Variants in GLRA3 observed in about 807,000 individuals in gnomAD.
The protein encoded by GLRA3 is glycine receptor subunit alpha-3.
In GLRA3, 44 loss-of-function variants were observed where a neutral mutation model predicts 60.4. The ratio of observed to expected loss-of-function variants is 0.73; its 90% CI spans 0.57 to 0.94. The LOEUF (loss-of-function observed/expected upper bound fraction) is 0.94, where lower values mean the gene tolerates loss of function less well. Among genes scored for constraint, GLRA3 ranks in the 40% least tolerant of loss-of-function variants. The pLI is 0.00. For missense variants in GLRA3, 508 were observed against 564.6 expected, an observed-to-expected ratio of 0.90 and a Z score of 1.02; for synonymous variants, 223 against 192.9, an observed-to-expected ratio of 1.16 and a Z score of -1.29.
intron 5 of GLRA3, among the ~76,000 whole-genome samples, chr4:174,691,849 G>T (rs1282321022): frequency 2.0e-5 from 3 of 151,988 alleles, no homozygotes; most frequent in African/African-American, 7.2e-5. Context: ...CTGCCTGGCC[G>T]CCCATCGTCT....
intron 1 of GLRA3, among the ~76,000 whole-genome samples, chr4:174,804,615 C>A (rs1370899155): frequency 6.6e-6 from 1 of 152,096 alleles, no homozygotes; most frequent in Non-Finnish European, 1.5e-5. Context: ...TCTGGGATAA[C>A]ACCCAAGGTT....
intron 3 of GLRA3, among the ~76,000 whole-genome samples, chr4:174,755,576 T>G (rs1290139509): frequency 1.3e-5 from 2 of 152,136 alleles, no homozygotes; most frequent in Non-Finnish European, 2.9e-5. Context: ...TGAAGGAATC[T>G]AAAATGGATT....
intron 3 of GLRA3, among the ~76,000 whole-genome samples, chr4:174,732,926 T>C (rs376365488): frequency 6.6e-6 from 1 of 152,154 alleles, no homozygotes; most frequent in East Asian, 1.9e-4. Context: ...GGGAATGAGA[T>C]AGTGAATTAT....
intron 3 of GLRA3, among the ~76,000 whole-genome samples, chr4:174,760,325 G>T (rs1348541414): frequency 6.6e-6 from 1 of 152,136 alleles, no homozygotes; most frequent in Non-Finnish European, 1.5e-5. Flanking sequence ...AAGTGTTGGA[G>T]AACATGTAAA....
intron 5 of GLRA3, among the ~76,000 whole-genome samples, chr4:174,696,469 CAATAT>C (rs1278029289): frequency 1.8e-4 from 26 of 147,790 alleles, no homozygotes; most frequent in Non-Finnish European, 3.0e-4. Flanking sequence ...TAATACAATA[CAATAT>C]AATTTAATAT....
At chr4:174,788,987 T>C in intron 1 of GLRA3, 44 bp from the exon 2 acceptor site, 1 of 1,304,722 alleles carries the variant, frequency 7.7e-7, no homozygotes, top group Non-Finnish European at 1.1e-6. Flanking sequence ...AAAGAAGTAT[T>C]TCTAATAATT....
intron 5 of GLRA3, among the ~76,000 whole-genome samples, chr4:174,694,566 T>A (rs1734978554): frequency 6.6e-6 from 1 of 152,106 alleles, no homozygotes; most frequent in Non-Finnish European, 1.5e-5. Flanking sequence ...TACCAGAATC[T>A]CTGGGACACA....
chr4:174,763,633 A>T (rs1738021907), intron 3 of GLRA3, among the ~76,000 whole-genome samples: 1 of 152,136 alleles, frequency 6.6e-6, no homozygotes, highest in Non-Finnish European at 1.5e-5. Context: ...TCCACAACTC[A>T]TCATAGGTTT....
At chr4:174,738,363 C>T (rs1230695975) in intron 3 of GLRA3, among the ~76,000 whole-genome samples, 1 of 152,170 alleles carries the variant, frequency 6.6e-6, no homozygotes, top group African/African-American at 2.4e-5. Context: ...GAACACCACT[C>T]ATTTTAATAT....
chr4:174,703,047 T>C lies in GLRA3; in HGVS notation c.574+12441A>G, dbSNP rs79693894. 6.5e-3 allele frequency among the ~76,000 whole-genome samples: 994 copies of C among 152,256 alleles called. 13 individuals are homozygous for C. The highest frequency in any genetic ancestry group is 0.023 in the African/African-American group (945 of 41,552). On this transcript the variant is annotated intron_variant, in intron 5 of 9. Transcript: ENST00000274093. ...TGCTTTTTGCAAATCTGCATGTAGA[T>C]TTTCCTGATAGCAGAACTCAGAGAA...
chr4:174,807,167 C>T lies in GLRA3; in HGVS notation c.72-18224G>A, dbSNP rs528277669. ...ACAGAGAACAACTACTTCAAACTTA[C>T]GGTGTTGTAGCAATAATCAATCTAC... is the stretch of plus-strand genomic sequence containing the variant. On this transcript the variant is annotated intron_variant, in intron 1 of 9. Transcript: ENST00000274093. 4.7e-4 allele frequency among the ~76,000 whole-genome samples: 72 copies of T among 152,016 alleles called. No individual in the cohort carries two copies. In the South Asian group the frequency reaches 0.012, roughly 25 times the overall value.
chr4:174,767,581 A>T (rs1195990997), intron 2 of GLRA3, among the ~76,000 whole-genome samples: 1 of 152,122 alleles, frequency 6.6e-6, no homozygotes, highest in Non-Finnish European at 1.5e-5. Flanking sequence ...TAGAGTGCAC[A>T]GCCAGTGAAA....
intron 9 of GLRA3, among the ~76,000 whole-genome samples, chr4:174,656,448 A>G (rs1239968221): frequency 6.6e-6 from 1 of 152,120 alleles, no homozygotes; most frequent in Admixed American, 6.6e-5. Flanking sequence ...TACAAGATAT[A>G]TGTGATATTT....
chr4:174,728,739 C>T (rs753092351), intron 3 of GLRA3, 41 bp from the exon 4 acceptor site: 1 of 1,303,682 alleles, frequency 7.7e-7, no homozygotes, highest in African/African-American at 1.5e-5. Flanking sequence ...AAAAACCCTG[C>T]TTTAAAAAGT....
intron 5 of GLRA3, among the ~76,000 whole-genome samples, chr4:174,712,109 T>C (rs1735738983): frequency 2.0e-5 from 3 of 152,158 alleles, no homozygotes; most frequent in South Asian, 2.1e-4. Flanking sequence ...CCCAATAATT[T>C]CTTTTCCTCT....
chr4:174,725,626 G>A (rs555189155), intron 4 of GLRA3, among the ~76,000 whole-genome samples: 52 of 151,974 alleles, frequency 3.4e-4, no homozygotes, highest in Non-Finnish European at 7.4e-4. Context: ...GAACACAGGT[G>A]AACGCCACCT....
intron 1 of GLRA3, among the ~76,000 whole-genome samples, chr4:174,827,392 T>G (rs1312604165): frequency 6.6e-6 from 1 of 151,702 alleles, no homozygotes; most frequent in African/African-American, 2.4e-5. Flanking sequence ...TAAGCTAATC[T>G]GATTTCTTTG....
At chr4:174,824,591 A>G (rs1398741447) in intron 1 of GLRA3, among the ~76,000 whole-genome samples, 1 of 152,138 alleles carries the variant, frequency 6.6e-6, no homozygotes, top group Non-Finnish European at 1.5e-5. Flanking sequence ...TAAATCATGA[A>G]CTGTAAATTC....
At chr4:174,790,825 CAAAAAAAAAAAAAA>C (rs751090125) in intron 1 of GLRA3, among the ~76,000 whole-genome samples, 1 of 65,124 alleles carries the variant, frequency 1.5e-5, no homozygotes, top group African/African-American at 7.1e-5. Context: ...CTAAAAAATA[CAAAAAAAAAAAAAA>C]AAAAAAAGAA....
Sources: gnomAD v4.1 joint callset for allele counts (sites outside exome capture counted in the v4.1 genomes callset) on GRCh38, gnomAD v4.1.1 for gene constraint, MANE v1.5 for transcripts, NCBI Gene and HGNC (gene_info 2026-07-23, HGNC 2026-07-21) for gene names.